Variants in PLEKHA4 observed in about 807,000 individuals in gnomAD.
PLEKHA4 encodes the protein pleckstrin homology domain-containing family A member 4.
Under a neutral mutation model 94.7 loss-of-function variants are expected in PLEKHA4, and 73 were observed. That is an observed-to-expected ratio of 0.77 (90% CI 0.64 to 0.94). The LOEUF (loss-of-function observed/expected upper bound fraction) is 0.94. Among genes scored for constraint, PLEKHA4 ranks in the 40% least tolerant of loss-of-function variants. The probability of loss-of-function intolerance (pLI) is 0.00; values close to 1 mark genes in which losing one functional copy is unlikely to be tolerated. For missense variants in PLEKHA4, 1,049 were observed against 1,054.1 expected (o/e 1.00, Z 0.07); for synonymous variants, 449 against 437.1 (o/e 1.03, Z -0.34).
At chr19:48,864,752 G>A (rs976246695) in intron 3 of PLEKHA4, among the ~76,000 whole-genome samples, 3 of 151,852 alleles carry the variant, frequency 2.0e-5, no homozygotes. Flanking sequence ...TGTATTTGTT[G>A]TTGAGATGAG....
chr19:48,852,201 T>C, intron 13 of PLEKHA4, 27 bp downstream of exon 13: 1 of 1,572,906 alleles, frequency 6.4e-7, no homozygotes, highest in Non-Finnish European at 8.8e-7. Flanking sequence ...TGGGGGTGGG[T>C]CTTGGGGTCT....
chr19:48,859,423 T>C, intron 7 of PLEKHA4, 46 bp downstream of exon 7: 4 of 1,600,270 alleles, frequency 2.5e-6, no homozygotes, highest in Admixed American at 1.7e-5. Flanking sequence ...TTTCCGGCCC[T>C]GCCCTTCTCT....
chr19:48,852,916 G>C (rs1372708466), intron 12 of PLEKHA4, among the ~76,000 whole-genome samples: 5 of 151,964 alleles, frequency 3.3e-5, no homozygotes, highest in Non-Finnish European at 7.4e-5. Context: ...CTGAGCAACA[G>C]AGCAAGAATC....
At chr19:48,865,426 G>T in intron 3 of PLEKHA4, 77 bp downstream of exon 3, 1 of 1,009,458 alleles carries the variant, frequency 9.9e-7, no homozygotes, top group South Asian at 1.4e-5. Context: ...AGCCTATTTG[G>T]GGACTTGCAA....
chr19:48,865,633 G>A, intron 2 of PLEKHA4, 23 bp from the exon 3 acceptor site: 4 of 1,546,012 alleles, frequency 2.6e-6, no homozygotes, highest in Non-Finnish European at 3.6e-6. Flanking sequence ...GGGGACAGAA[G>A]TGAACAGGGA....
chr19:48,838,200 CA>C, intron 18 of PLEKHA4, 71 bp from the exon 19 acceptor site: 1 of 910,476 alleles, frequency 1.1e-6, no homozygotes, highest in Non-Finnish European at 1.7e-6. Flanking sequence ...TTAATTGGTA[CA>C]AAAAGAAAAG....
intron 5 of PLEKHA4, among the ~76,000 whole-genome samples, chr19:48,861,116 G>T (rs2036621746): frequency 6.6e-6 from 1 of 151,930 alleles, no homozygotes; most frequent in Admixed American, 6.6e-5. Flanking sequence ...GCTGAGGCAG[G>T]AGAATCCGTT....
intron 14 of PLEKHA4, 87 bp from the exon 15 acceptor site, chr19:48,845,703 CAGT>C: frequency 9.0e-7 from 1 of 1,114,266 alleles, no homozygotes; most frequent in Non-Finnish European, 1.2e-6. Context: ...CATTGGAATA[CAGT>C]CTGAATAGGA....
intron 16 of PLEKHA4, 65 bp downstream of exon 16, chr19:48,845,305 T>C: frequency 1.3e-6 from 2 of 1,497,818 alleles, no homozygotes; most frequent in Admixed American, 1.7e-5. Flanking sequence ...TCCTAGCTGT[T>C]TCCCAGAAGT....
At chr19:48,855,895 A>C (rs2036387222) in intron 9 of PLEKHA4, among the ~76,000 whole-genome samples, 1 of 151,880 alleles carries the variant, frequency 6.6e-6, no homozygotes, top group Non-Finnish European at 1.5e-5. Flanking sequence ...CTAGGTGGCC[A>C]GGCGCAGTGG....
chr19:48,851,004 G>T (rs936407584), intron 13 of PLEKHA4, among the ~76,000 whole-genome samples: 58 of 151,770 alleles, frequency 3.8e-4, no homozygotes, highest in African/African-American at 1.3e-3. Context: ...AACCGGGCAT[G>T]GTGGTGGTCA....
At position 48,859,631 on chromosome 19, in the gene PLEKHA4, G is replaced by A; in HGVS notation, c.530C>T (p.Pro177Leu). The change falls in exon 7 of 20, where the codon CCC becomes CTC. Residue 177 changes from proline to leucine, a missense_variant. Transcript: ENST00000263265. ...RPQPGEGPGG[P>L]GGPPEVSRGE... ...TCTGCTCACCTCCGGGGGACCACCG[G>A]GGCCGCCGGGGCCCTCCCCGGGCTG... The A allele has an allele frequency of 1.2e-6, 2 of 1,612,660 alleles. No homozygotes were observed. The highest frequency in any genetic ancestry group is 1.7e-6 in the Non-Finnish European group (2 of 1,179,932).
intron 9 of PLEKHA4, among the ~76,000 whole-genome samples, chr19:48,856,350 G>A (rs1261249237): frequency 2.3e-5 from 3 of 132,066 alleles, no homozygotes; most frequent in East Asian, 1.9e-4. Context: ...TTGGGAGGCC[G>A]AGGCGGGCAG....
chr19:48,859,549 A>G lies in PLEKHA4; in HGVS notation c.612T>C (p.Arg204=), dbSNP rs2036556795. The change falls in exon 7 of 20, where the codon CGT becomes CGC. Residue 204 remains arginine (R), a synonymous_variant. Coordinates refer to ENST00000263265, the MANE Select transcript of PLEKHA4 (RefSeq NM_020904.3). The part of the protein sequence containing the change: ...SPEVTRLSRG[R]GRPRLLTPSP... ...TGGGAGTGAGCAGCCTGGGTCTACC[A>G]CGACCTCTGGAGAGTCGAGTCACTT... 1.2e-6 allele frequency: 2 copies of G among 1,613,886 alleles called. No homozygotes were observed. Among genetic ancestry groups the G allele is most frequent in the African/African-American group, 1.3e-5 (1 of 74,904 alleles).
At chr19:48,861,357 C>A (rs900877063) in intron 5 of PLEKHA4, 44 bp downstream of exon 5, 5 of 1,526,462 alleles carry the variant, frequency 3.3e-6, no homozygotes, top group South Asian at 1.1e-5. Context: ...GCCCTCATCT[C>A]CAGTTCCCAT....
intron 8 of PLEKHA4, 138 bp from the exon 9 acceptor site, chr19:48,857,634 G>A: frequency 3.2e-6 from 2 of 616,732 alleles, no homozygotes; most frequent in Non-Finnish European, 5.8e-6. Flanking sequence ...TGTGCTCTCT[G>A]AAACATGTGC....
chr19:48,859,965 T>C, intron 6 of PLEKHA4: 3 of 576,874 alleles, frequency 5.2e-6, no homozygotes, highest in Non-Finnish European at 9.1e-6. Context: ...GCGCAGGCCA[T>C]GTCAGAGCCT....
intron 16 of PLEKHA4, among the ~76,000 whole-genome samples, chr19:48,843,679 A>G (rs1034184154): frequency 5.3e-5 from 8 of 149,928 alleles, no homozygotes; most frequent in African/African-American, 1.7e-4. Context: ...ATTTTTTGAG[A>G]TGGAGTCTTG....
At position 48,845,548 on chromosome 19, in the gene PLEKHA4, T is replaced by TCCAGGAGGCCGCCC; in HGVS notation, c.1621_1634dup (p.Asp547GlyfsTer14). The TCCAGGAGGCCGCCC allele has an allele frequency of 6.2e-7, 1 of 1,606,878 alleles. No individual in the cohort carries two copies. The highest frequency in any genetic ancestry group is 8.5e-7 in the Non-Finnish European group (1 of 1,176,458). The stretch of plus-strand genomic sequence containing the variant: ...GAGGGCTGGCGAGGTCTTTGTCGCC[T>TCCAGGAGGCCGCCC]CCAGGAGGCCGCCCCCAGTCAGTCT... On this transcript the variant is annotated frameshift_variant, in exon 15 of 20. Coordinates refer to ENST00000263265, the MANE Select transcript of PLEKHA4 (RefSeq NM_020904.3). LOFTEE classifies it high-confidence loss of function.
Sources: allele counts gnomAD v4.1 joint callset (sites outside exome capture counted in the v4.1 genomes callset), GRCh38; gene constraint gnomAD v4.1.1; transcripts MANE v1.5; gene names NCBI Gene and HGNC (gene_info 2026-07-23, HGNC 2026-07-21).